The following NPAS3 variants were observed in gnomAD, a reference collection of about 807,000 sequenced individuals.
NPAS3 encodes the protein neuronal PAS domain protein 3.
In NPAS3, 14 loss-of-function variants were observed where a neutral mutation model predicts 73.1. The observed-to-expected ratio is 0.19, with a 90% CI of 0.13 to 0.30. NPAS3 has a LOEUF of 0.30. Ranked by LOEUF, NPAS3 falls within the 10% of genes least tolerant of loss-of-function variation. NPAS3 has a pLI of 1.00. For synonymous variants in NPAS3, 620 were observed against 541.5 expected (o/e 1.14, Z -2.01); for missense variants, 1,096 against 1,250.0 (o/e 0.88, Z 1.86).
chr14:33,243,558 A>G (rs1449365812), intron 3 of NPAS3, among the ~76,000 whole-genome samples: 1 of 152,098 alleles, frequency 6.6e-6, no homozygotes, highest in Non-Finnish European at 1.5e-5. Context: ...CACTCTGAGA[A>G]CCATTCACTC....
At chr14:33,611,842 A>C (rs2057758907) in intron 5 of NPAS3, among the ~76,000 whole-genome samples, 1 of 152,320 alleles carries the variant, frequency 6.6e-6, no homozygotes, top group South Asian at 2.1e-4. Flanking sequence ...AATGTATTTA[A>C]CTCATCATTT....
intron 1 of NPAS3, among the ~76,000 whole-genome samples, chr14:32,959,823 G>C (rs761315470): frequency 2.0e-5 from 3 of 152,170 alleles, no homozygotes; most frequent in Admixed American, 1.3e-4. Context: ...CATTCATGTA[G>C]TGATGGTATC....
At chr14:33,453,289 A>G (rs1478589442) in intron 4 of NPAS3, among the ~76,000 whole-genome samples, 1 of 152,248 alleles carries the variant, frequency 6.6e-6, no homozygotes, top group Non-Finnish European at 1.5e-5. Flanking sequence ...GATTACAACC[A>G]TAGATCAAAG....
At chr14:33,523,992 T>A (rs561814917) in intron 4 of NPAS3, among the ~76,000 whole-genome samples, 1 of 152,320 alleles carries the variant, frequency 6.6e-6, no homozygotes, top group African/African-American at 2.4e-5. Flanking sequence ...ATCCTAGTGC[T>A]AGGCATATAA....
intron 4 of NPAS3, among the ~76,000 whole-genome samples, chr14:33,480,446 A>C (rs2051260183): frequency 6.6e-6 from 1 of 152,102 alleles, no homozygotes; most frequent in Non-Finnish European, 1.5e-5. Flanking sequence ...TTTCTGTTCC[A>C]TAGAATTCCT....
rs77101181 is a variant in NPAS3, at chr14:33,549,698, A to G, written c.469-10423A>G. On this transcript the variant is annotated intron_variant, in intron 4 of 11. Coordinates refer to ENST00000356141, the Ensembl canonical transcript of NPAS3. ...TTACATTCCTTGCCTTATTCAAATC[A>G]CCTTAATATATCTGCGTTTACCTTC... is the stretch of plus-strand genomic sequence containing the variant. Among the ~76,000 whole-genome samples the G allele has an allele frequency of 3.6e-3, 553 of 152,284 alleles. 4 individuals carry two copies. Among genetic ancestry groups the G allele is most frequent in the African/African-American group, 0.012 (515 of 41,554 alleles).
chr14:33,799,512 C>T (rs1416340073), intron 11 of NPAS3, among the ~76,000 whole-genome samples: 2 of 152,162 alleles, frequency 1.3e-5, no homozygotes, highest in East Asian at 1.9e-4. Flanking sequence ...GCTGCTGGCC[C>T]GCACTTTGAG....
At chr14:33,784,729 A>ATTTTTT (rs1342325354) in intron 9 of NPAS3, among the ~76,000 whole-genome samples, 9 of 90,204 alleles carry the variant, frequency 1.0e-4, no homozygotes, top group Admixed American at 2.3e-4. Flanking sequence ...ATTTTTATTT[A>ATTTTTT]TTTATTTATT....
intron 7 of NPAS3, among the ~76,000 whole-genome samples, chr14:33,761,169 T>C (rs2062274199): frequency 6.6e-6 from 1 of 151,310 alleles, no homozygotes; most frequent in African/African-American, 2.5e-5. Context: ...ACAAGATTGA[T>C]TTGCTTGGCC....
chr14:33,317,386 C>G (rs2043250117), intron 3 of NPAS3, among the ~76,000 whole-genome samples: 1 of 152,030 alleles, frequency 6.6e-6, no homozygotes, highest in Admixed American at 6.6e-5. Flanking sequence ...TAAACCAAGG[C>G]TTACCAAGGC....
intron 2 of NPAS3, among the ~76,000 whole-genome samples, chr14:33,176,013 G>T (rs900712153): frequency 1.3e-5 from 2 of 151,978 alleles, no homozygotes; most frequent in Admixed American, 6.6e-5. Context: ...AAATTTTCTT[G>T]TTCATCCATT....
chr14:33,617,520 C>T (rs191003250), intron 5 of NPAS3, among the ~76,000 whole-genome samples: 294 of 152,310 alleles, frequency 1.9e-3, no homozygotes, highest in Non-Finnish European at 3.5e-3. Flanking sequence ...TTTTCATTCA[C>T]CACCTGTAAC....
At chr14:33,637,626 A>G (rs2058558213) in intron 5 of NPAS3, among the ~76,000 whole-genome samples, 1 of 152,238 alleles carries the variant, frequency 6.6e-6, no homozygotes, top group African/African-American at 2.4e-5. Flanking sequence ...CATAAAATCA[A>G]TACATCTTAG....
At chr14:33,711,299 CGTAACAATAACT>C (rs1168713867) in intron 6 of NPAS3, among the ~76,000 whole-genome samples, 3 of 152,170 alleles carry the variant, frequency 2.0e-5, no homozygotes, top group Admixed American at 2.0e-4. Context: ...TCAGCACCTT[CGTAACAATAACT>C]GAACTGGCGG....
At chr14:32,951,348 A>G (rs1050791993) in intron 1 of NPAS3, among the ~76,000 whole-genome samples, 1 of 152,150 alleles carries the variant, frequency 6.6e-6, no homozygotes, top group African/African-American at 2.4e-5. Flanking sequence ...CCATATTTAT[A>G]AAATGATTAA....
intron 2 of NPAS3, among the ~76,000 whole-genome samples, chr14:33,142,191 C>CTTTA (rs372946849): frequency 5.3e-5 from 2 of 38,084 alleles, no homozygotes; most frequent in Non-Finnish European, 8.8e-5. Context: ...TTTGTATAAG[C>CTTTA]TTTTTTTTTT....
At chr14:33,122,843 A>G (rs1210477347) in intron 2 of NPAS3, among the ~76,000 whole-genome samples, 5 of 152,170 alleles carry the variant, frequency 3.3e-5, no homozygotes, top group Non-Finnish European at 7.3e-5. Flanking sequence ...CTACTTTGAG[A>G]AAAGTTTTCT....
intron 1 of NPAS3, among the ~76,000 whole-genome samples, chr14:33,012,857 G>A (rs1243706598): frequency 1.3e-5 from 2 of 152,202 alleles, no homozygotes; most frequent in East Asian, 3.9e-4. Context: ...GCCCAAAGTC[G>A]TATCTTTTGA....
chr14:33,364,876 C>T (rs1250522406), intron 3 of NPAS3, among the ~76,000 whole-genome samples: 1 of 151,984 alleles, frequency 6.6e-6, no homozygotes, highest in African/African-American at 2.4e-5. Flanking sequence ...CCTCCTAAGT[C>T]AGTGAACTTT....
Sources: gnomAD v4.1 joint callset for allele counts (sites outside exome capture counted in the v4.1 genomes callset) on GRCh38, gnomAD v4.1.1 for gene constraint, MANE v1.5 for transcripts, NCBI Gene and HGNC (gene_info 2026-07-23, HGNC 2026-07-21) for gene names.